The following STARD9 variants were observed in gnomAD, a reference collection of about 807,000 sequenced individuals.
STARD9 encodes the protein StAR related lipid transfer domain containing 9, also known as stAR-related lipid transfer protein 9.
Under a neutral mutation model 399.8 loss-of-function variants are expected in STARD9, and 346 were observed. The ratio of observed to expected loss-of-function variants is 0.87; its 90% CI spans 0.79 to 0.95. The LOEUF is 0.95. Among genes scored for constraint, STARD9 ranks in the 40% least tolerant of loss-of-function variants. The pLI is 0.00. For missense variants in STARD9, 5,832 were observed against 5,667.5 expected, an observed-to-expected ratio of 1.03 and a Z score of -0.93; for synonymous variants, 2,203 against 2,143.5, an observed-to-expected ratio of 1.03 and a Z score of -0.77.
chr15:42,690,066 C>T lies in STARD9; in HGVS notation c.8488C>T (p.Pro2830Ser). ...DVQNSTSASG[P>S]KQDHVQCPEA... ...TCAGAATTCTACAAGTGCCTCAGGG[C>T]CTAAGCAAGACCATGTCCAATGCCC... Residue 2830 changes from proline to serine, a missense_variant, in exon 23 of 33, where the codon CCT becomes TCT. By Grantham distance (74) the Pro-to-Ser change is moderately conservative. Transcript: ENST00000290607. 2 of 1,537,544 alleles carry T rather than the reference C, an allele frequency of 1.3e-6. No homozygotes were observed. Among genetic ancestry groups the T allele is most frequent in the Non-Finnish European group, 1.7e-6 (2 of 1,146,970 alleles).
intron 7 of STARD9, 49 bp from the exon 8 acceptor site, chr15:42,650,967 T>A: frequency 1.5e-6 from 2 of 1,335,496 alleles, no homozygotes; most frequent in Non-Finnish European, 2.0e-6. Context: ...GGTTAAAGTT[T>A]ACCAAAAATC....
intron 7 of STARD9, among the ~76,000 whole-genome samples, chr15:42,648,305 G>A (rs114547623): frequency 0.013 from 2,051 of 152,232 alleles, 43 homozygotes; most frequent in African/African-American, 0.047. Context: ...TGGGATTACA[G>A]GCACATGCTA....
intron 17 of STARD9, 44 bp from the exon 18 acceptor site, chr15:42,674,783 C>T: frequency 6.7e-7 from 1 of 1,488,048 alleles, no homozygotes; most frequent in South Asian, 1.3e-5. Context: ...AGGGTGTTTC[C>T]CTGCATCGTC....
rs1169766630 is a variant in STARD9, at chr15:42,685,064, G to T, written c.3486G>T (p.Arg1162Ser). 1 of 1,537,176 alleles carries T rather than the reference G, an allele frequency of 6.5e-7. No individual in the cohort carries two copies. The highest frequency in any genetic ancestry group is 8.7e-7 in the Non-Finnish European group (1 of 1,146,914). ...AEKRYQSPKNRLGGNRPTNNR... is the reference protein window; with the variant it reads ...AEKRYQSPKNSLGGNRPTNNR... ...AGAGGTACCAAAGCCCCAAAAACAG[G>T]CTAGGGGGCAATCGTCCCACCAACA... The change falls in exon 23 of 33, where the codon AGG becomes AGT. Residue 1162 changes from arginine (R) to serine (S), a missense_variant. Around this residue, in one of 2 missense-constraint regions of STARD9, gnomAD observed 5,828 missense variants for 5,651.1 expected, o/e 1.03. Transcript: ENST00000290607.
chr15:42,688,838 T>G lies in STARD9; in HGVS notation c.7260T>G (p.Ser2420Arg). 1 of 1,537,250 alleles carries G rather than the reference T, an allele frequency of 6.5e-7. No homozygotes were observed. The highest frequency in any genetic ancestry group is 8.7e-7 in the Non-Finnish European group (1 of 1,146,908). Reference protein sequence around the residue: ...SVRSMAMGSHSQSGVPESIPL... With the variant: ...SVRSMAMGSHRQSGVPESIPL... ...GATCCATGGCCATGGGATCTCATAG[T>G]CAATCTGGTGTACCAGAGAGCATTC... Residue 2420 changes from serine to arginine, a missense_variant, in exon 23 of 33, where the codon AGT becomes AGG. Physicochemically the swap from Ser to Arg is moderately radical, Grantham distance 110. This residue lies in a region of STARD9 where 5,828 missense variants were observed against 5,651.1 expected (regional missense o/e 1.03). Coordinates refer to ENST00000290607, the MANE Select transcript of STARD9 (RefSeq NM_020759.3).
chr15:42,590,355 T>G (rs534299621), intron 3 of STARD9, among the ~76,000 whole-genome samples: 1 of 152,156 alleles, frequency 6.6e-6, no homozygotes, highest in Non-Finnish European at 1.5e-5. Context: ...ACAGTGTGTC[T>G]TTCATCCCTA....
chr15:42,701,343 C>T (rs1428081046), intron 26 of STARD9, among the ~76,000 whole-genome samples: 1 of 152,164 alleles, frequency 6.6e-6, no homozygotes, highest in East Asian at 1.9e-4. Flanking sequence ...GTGATATGGA[C>T]ATTTTAACAA....
intron 3 of STARD9, among the ~76,000 whole-genome samples, chr15:42,589,670 G>A (rs375435363): frequency 2.0e-5 from 3 of 151,130 alleles, no homozygotes; most frequent in African/African-American, 4.9e-5. Flanking sequence ...GCAGTGGTGC[G>A]ATCATGGCTC....
intron 25 of STARD9, 92 bp downstream of exon 25, chr15:42,695,415 AC>A (rs1416912582): frequency 8.1e-7 from 1 of 1,241,434 alleles, no homozygotes; most frequent in African/African-American, 1.5e-5. Flanking sequence ...CTTGGGACAT[AC>A]GTAACATTTG....
rs746252906 is a variant in STARD9, at chr15:42,585,472, A to G, written c.118-49A>G. ...AGGGTGATCAAGTGCCACTGGCCAGATTCTAATATTATGATAGAAAAGACA... is the reference window on the plus strand; with the variant it reads ...AGGGTGATCAAGTGCCACTGGCCAGGTTCTAATATTATGATAGAAAAGACA... On this transcript the variant is annotated intron_variant, in intron 2 of 32. Coordinates refer to ENST00000290607, the MANE Select transcript of STARD9 (RefSeq NM_020759.3). 3.0e-6 allele frequency: 4 copies of G among 1,328,756 alleles called. No homozygotes were observed. In the South Asian group the frequency reaches 5.0e-5, roughly 17 times the overall value. 82.3% of individuals were successfully genotyped at this position (1,328,756 alleles called of 1,614,324 possible).
chr15:42,673,553 C>T (rs1004613725), intron 16 of STARD9, among the ~76,000 whole-genome samples: 1 of 152,066 alleles, frequency 6.6e-6, no homozygotes, highest in Non-Finnish European at 1.5e-5. Context: ...CAGTTTATCC[C>T]CTGTGAGCTT....
chr15:42,681,273 G>C (rs187890018), intron 20 of STARD9, 149 bp from the exon 21 acceptor site: 249 of 686,716 alleles, frequency 3.6e-4, no homozygotes, highest in Middle Eastern at 2.5e-3. Context: ...TGTGACACCA[G>C]GCCTGTTTGT....
intron 3 of STARD9, among the ~76,000 whole-genome samples, chr15:42,594,472 G>A (rs189179506): frequency 3.3e-5 from 5 of 152,292 alleles, no homozygotes; most frequent in Non-Finnish European, 5.9e-5. Context: ...ATTAGGACAC[G>A]AAGAGTAACT....
At chr15:42,631,015 A>G (rs1185864411) in intron 3 of STARD9, among the ~76,000 whole-genome samples, 1 of 148,292 alleles carries the variant, frequency 6.7e-6, no homozygotes, top group Non-Finnish European at 1.5e-5. Context: ...ATAGAAATGG[A>G]GTCTTACTAT....
In STARD9 at chr15:42,690,531, G is replaced by C; in HGVS notation, c.8953G>C (p.Glu2985Gln). 1 of 1,537,152 alleles carries C rather than the reference G, an allele frequency of 6.5e-7. No individual in the cohort carries two copies. Among genetic ancestry groups the C allele is most frequent in the Non-Finnish European group, 8.7e-7 (1 of 1,146,884 alleles). Residue 2985 changes from glutamate to glutamine, a missense_variant, in exon 23 of 33, where the codon GAG becomes CAG. Glu to Gln is a conservative substitution (Grantham distance 29, BLOSUM62 2). Around this residue, in one of 2 missense-constraint regions of STARD9, gnomAD observed 5,828 missense variants for 5,651.1 expected, o/e 1.03. Coordinates refer to ENST00000290607, the MANE Select transcript of STARD9 (RefSeq NM_020759.3). ...LCFRDGDLGKEPFKAAPHTIH... is the reference protein window; with the variant it reads ...LCFRDGDLGKQPFKAAPHTIH... ...TTTTAGAGATGGTGACCTAGGGAAG[G>C]AGCCTTTCAAGGCTGCCCCACATAC...
At chr15:42,592,737 C>A (rs929455794) in intron 3 of STARD9, among the ~76,000 whole-genome samples, 1 of 152,232 alleles carries the variant, frequency 6.6e-6, no homozygotes, top group Admixed American at 6.5e-5. Flanking sequence ...AGCCACCACA[C>A]CCAGCCAGCT....
chr15:42,678,187 C>A (rs1335460848), intron 20 of STARD9, among the ~76,000 whole-genome samples: 5 of 152,140 alleles, frequency 3.3e-5, no homozygotes, highest in South Asian at 2.1e-4. Flanking sequence ...GGCAAAGGGA[C>A]CAGGGAGAGG....
intron 16 of STARD9, chr15:42,672,103 C>T (rs753994390): frequency 6.6e-6 from 1 of 152,166 alleles, no homozygotes. Flanking sequence ...TAGCTATTGA[C>T]TTAGGTAATA....
intron 2 of STARD9, among the ~76,000 whole-genome samples, chr15:42,583,776 C>T (rs889746332): frequency 1.8e-4 from 27 of 152,076 alleles, no homozygotes; most frequent in Non-Finnish European, 2.1e-4. Context: ...AAACTTTGTC[C>T]TTATCTTTTC....
Sources: allele counts gnomAD v4.1 joint callset (sites outside exome capture counted in the v4.1 genomes callset), GRCh38; gene constraint gnomAD v4.1.1; regional missense constraint gnomAD v4.1.1; transcripts MANE v1.5; gene names NCBI Gene and HGNC (gene_info 2026-07-23, HGNC 2026-07-21).